HRH1: variants seen among roughly 807,000 people sequenced by gnomAD.
HRH1 encodes the protein histamine receptor H1.
A neutral mutation model predicts 10.3 loss-of-function variants in HRH1; 6 were observed. The observed-to-expected ratio is 0.58, with a 90% CI of 0.32 to 1.15. The LOEUF (loss-of-function observed/expected upper bound fraction) is 1.15. HRH1 is among the 50% of genes most tolerant of loss of function. The pLI, the probability that HRH1 is intolerant of heterozygous loss-of-function variation, is 0.05. For missense variants in HRH1, 514 were observed against 615.3 expected (o/e 0.84, Z 1.74); for synonymous variants, 242 against 236.7 (o/e 1.02, Z -0.21).
rs376450680 is a variant in HRH1, at chr3:11,220,310, T to C, written c.-35-38693T>C. Among the ~76,000 whole-genome samples, 6 of 152,292 alleles carry C rather than the reference T, an allele frequency of 3.9e-5. No individual in the cohort carries two copies. The South Asian group carries it at 8.3e-4, about 21-fold the overall frequency. ...ACTGTCAGCTCCAACCCTGACTTGCTGTATAGTCTTGGTAAAGCCGCCTGT... is the reference window on the plus strand; with the variant it reads ...ACTGTCAGCTCCAACCCTGACTTGCCGTATAGTCTTGGTAAAGCCGCCTGT... On this transcript the variant is annotated intron_variant, in intron 1 of 1. Transcript: ENST00000431010.
chr3:11,188,099 G>A (rs1937478940), intron 1 of HRH1, among the ~76,000 whole-genome samples: 1 of 152,138 alleles, frequency 6.6e-6, no homozygotes, highest in Non-Finnish European at 1.5e-5. Context: ...TCATTAATAA[G>A]TAAATTAAAA....
intron 1 of HRH1, among the ~76,000 whole-genome samples, chr3:11,243,804 G>C (rs967290681): frequency 6.6e-6 from 1 of 152,214 alleles, no homozygotes; most frequent in Non-Finnish European, 1.5e-5. Context: ...ATTTTGCCTT[G>C]AGAGAGGCAG....
chr3:11,215,438 GT>G (rs1938456082), intron 1 of HRH1, among the ~76,000 whole-genome samples: 1 of 152,018 alleles, frequency 6.6e-6, no homozygotes. Flanking sequence ...GGTTTTTTTT[GT>G]TTTGTTTTTG....
chr3:11,251,552 GAGA>G (rs1354615032), intron 1 of HRH1, among the ~76,000 whole-genome samples: 1 of 152,074 alleles, frequency 6.6e-6, no homozygotes, highest in Admixed American at 6.5e-5. Flanking sequence ...TTTATTACTT[GAGA>G]AGAACCATCT....
chr3:11,205,434 A>T (rs1450719894), intron 1 of HRH1, among the ~76,000 whole-genome samples: 2 of 152,138 alleles, frequency 1.3e-5, no homozygotes, highest in African/African-American at 4.8e-5. Flanking sequence ...CACTAGCTGT[A>T]TGTCCTTGGG....
chr3:11,160,621 C>T (rs1277478316), intron 1 of HRH1, among the ~76,000 whole-genome samples: 1 of 152,146 alleles, frequency 6.6e-6, no homozygotes, highest in Non-Finnish European at 1.5e-5. Context: ...CCTTTCTTTC[C>T]TACGTCACCT....
At chr3:11,246,435 C>A (rs1476373048) in intron 1 of HRH1, among the ~76,000 whole-genome samples, 2 of 152,178 alleles carry the variant, frequency 1.3e-5, no homozygotes, top group Admixed American at 6.5e-5. Flanking sequence ...GGATCCATGT[C>A]CCCAAATATC....
At chr3:11,146,509 C>A (rs541764228) in intron 1 of HRH1, among the ~76,000 whole-genome samples, 17 of 152,288 alleles carry the variant, frequency 1.1e-4, no homozygotes, top group African/African-American at 3.1e-4. Context: ...AGGAGCAAGG[C>A]TGTGCCCCAC....
intron 1 of HRH1, among the ~76,000 whole-genome samples, chr3:11,140,702 C>G (rs1038455326): frequency 6.6e-6 from 1 of 152,164 alleles, no homozygotes; most frequent in African/African-American, 2.4e-5. Context: ...TACCTGAACT[C>G]TGCCACTTCT....
chr3:11,219,236 G>A (rs1938614942), intron 1 of HRH1, among the ~76,000 whole-genome samples: 1 of 152,110 alleles, frequency 6.6e-6, no homozygotes, highest in Non-Finnish European at 1.5e-5. Flanking sequence ...ACCTCAGGGA[G>A]CAGTGACTCC....
chr3:11,246,772 G>C (rs368453467), intron 1 of HRH1, among the ~76,000 whole-genome samples: 3 of 152,060 alleles, frequency 2.0e-5, no homozygotes, highest in Non-Finnish European at 4.4e-5. Flanking sequence ...GGCTGGGCAC[G>C]GTGACTCACC....
chr3:11,212,560 C>G (rs1938362762), intron 1 of HRH1, among the ~76,000 whole-genome samples: 1 of 152,196 alleles, frequency 6.6e-6, no homozygotes, highest in African/African-American at 2.4e-5. Flanking sequence ...CTCCCGGCAA[C>G]CAAGGCAATG....
chr3:11,167,423 T>C lies in HRH1; in HGVS notation c.-36+12869T>C, dbSNP rs1389523367. Reference sequence around the variant, plus strand: ...GTGACATCTGCTGTCCCCTGGCCTCTCCAGGCCCGTGACATCTGCTGTCCC... The same window carrying C: ...GTGACATCTGCTGTCCCCTGGCCTCCCCAGGCCCGTGACATCTGCTGTCCC... On this transcript the variant is annotated intron_variant, in intron 1 of 1. Coordinates refer to ENST00000431010, the MANE Select transcript of HRH1 (RefSeq NM_001098212.2). Among the ~76,000 whole-genome samples, 179 of 42,098 alleles carry C rather than the reference T, an allele frequency of 4.3e-3. 2 individuals are homozygous for C. Among genetic ancestry groups the C allele is most frequent in the African/African-American group, 0.018 (166 of 9,206 alleles). The allele number at this position is 42,098 out of a possible 152,430, so 27.6% of individuals were successfully genotyped here.
rs1394654315 is a variant in HRH1, at chr3:11,262,375, C to G, written c.*1874C>G. 6.0e-6 allele frequency: 1 copy of G among 167,082 alleles called. No homozygotes were observed. The highest frequency in any genetic ancestry group is 1.5e-5 in the Non-Finnish European group (1 of 68,116). The allele number at this position is 167,082 out of a possible 1,614,324, so 10.3% of individuals were successfully genotyped here. A position where few individuals can be genotyped will look rare whatever the true frequency, so the allele number is the denominator to read the frequency against. On this transcript the variant is annotated 3_prime_UTR_variant, in exon 2 of 2. Coordinates refer to ENST00000431010, the MANE Select transcript of HRH1 (RefSeq NM_001098212.2). ...TTTGAAATGTACCATCAAATGTTAA[C>G]AGAGTTTGATATGGGCTTTCTCTTT...
chr3:11,206,251 G>A (rs1280631263), intron 1 of HRH1, among the ~76,000 whole-genome samples: 2 of 152,172 alleles, frequency 1.3e-5, no homozygotes, highest in Non-Finnish European at 1.5e-5. Context: ...AGGAGTAGCC[G>A]GGACTACAGG....
At chr3:11,215,704 G>T (rs1249666248) in intron 1 of HRH1, among the ~76,000 whole-genome samples, 2 of 152,232 alleles carry the variant, frequency 1.3e-5, no homozygotes, top group Non-Finnish European at 1.5e-5. Context: ...GCCTCTCAGA[G>T]TGCTGGGATT....
At chr3:11,207,598 A>T (rs1171311185) in intron 1 of HRH1, among the ~76,000 whole-genome samples, 6 of 152,160 alleles carry the variant, frequency 3.9e-5, no homozygotes, top group South Asian at 2.1e-4. Context: ...GCCGACCTGA[A>T]CTGGAGCGTG....
chr3:11,171,484 C>G (rs1440353399), intron 1 of HRH1, among the ~76,000 whole-genome samples: 2 of 152,144 alleles, frequency 1.3e-5, no homozygotes, highest in Admixed American at 6.5e-5. Flanking sequence ...GCCGCTGCTG[C>G]ACCAATGTGA....
chr3:11,165,133 G>A (rs981473086), intron 1 of HRH1, among the ~76,000 whole-genome samples: 2 of 152,198 alleles, frequency 1.3e-5, no homozygotes, highest in Non-Finnish European at 2.9e-5. Flanking sequence ...TAAGTGACTC[G>A]CATAAGCTCA....
Sources: allele counts gnomAD v4.1 joint callset (sites outside exome capture counted in the v4.1 genomes callset), GRCh38; gene constraint gnomAD v4.1.1; transcripts MANE v1.5; gene names NCBI Gene and HGNC (gene_info 2026-07-23, HGNC 2026-07-21).